Variants in NCKAP5 observed in about 807,000 individuals in gnomAD.
The protein encoded by NCKAP5 is nck-associated protein 5.
NCKAP5 carries 92 observed loss-of-function variants against 167.0 expected under a neutral mutation model. The observed-to-expected ratio is 0.55, with a 90% CI of 0.47 to 0.66. The LOEUF is 0.66. Among genes scored for constraint, NCKAP5 ranks in the 30% least tolerant of loss-of-function variants. The probability of loss-of-function intolerance (pLI) is 0.00; values close to 1 mark genes in which losing one functional copy is unlikely to be tolerated. For synonymous variants in NCKAP5, 891 were observed against 877.4 expected, an observed-to-expected ratio of 1.02 and a Z score of -0.27; for missense variants, 2,378 against 2,315.0, an observed-to-expected ratio of 1.03 and a Z score of -0.56.
chr2:132,926,185 C>A, intron 8 of NCKAP5: 1 of 394,122 alleles, frequency 2.5e-6, no homozygotes, highest in Non-Finnish European at 5.2e-6. Flanking sequence ...AGGATAATGG[C>A]CTCCAGTTCC....
At chr2:132,676,062 TGG>T (rs1684421900) in intron 19 of NCKAP5, among the ~76,000 whole-genome samples, 1 of 152,046 alleles carries the variant, frequency 6.6e-6, no homozygotes, top group African/African-American at 2.4e-5. Context: ...GATCTAAAGG[TGG>T]TAGCAGCTAC....
intron 3 of NCKAP5, among the ~76,000 whole-genome samples, chr2:133,328,200 C>T (rs1574711757): frequency 6.6e-6 from 1 of 152,130 alleles, no homozygotes; most frequent in African/African-American, 2.4e-5. Context: ...GTAATTTTTT[C>T]GTGTTGATTT....
At chr2:133,503,091 G>C (rs1283074766) in intron 3 of NCKAP5, among the ~76,000 whole-genome samples, 2 of 152,180 alleles carry the variant, frequency 1.3e-5, no homozygotes, top group Non-Finnish European at 2.9e-5. Flanking sequence ...AGTGTGTATG[G>C]TTTATCCACA....
chr2:133,605,396 T>TTCTGACA, the NCKAP5 span, among the ~76,000 whole-genome samples: 5 of 152,216 alleles, frequency 3.3e-5, no homozygotes, highest in South Asian at 1.0e-3. Context: ...CCTGAAGTGA[T>TTCTGACA]TCTGACAACC....
At chr2:133,075,441 G>A (rs78110112) in intron 6 of NCKAP5, among the ~76,000 whole-genome samples, 3 of 152,152 alleles carry the variant, frequency 2.0e-5, no homozygotes, top group East Asian at 1.9e-4. Context: ...AGGTAAAATC[G>A]AGATAAATGT....
At chr2:133,062,035 T>G (rs1559100558) in intron 6 of NCKAP5, among the ~76,000 whole-genome samples, 1 of 152,242 alleles carries the variant, frequency 6.6e-6, no homozygotes, top group Non-Finnish European at 1.5e-5. Flanking sequence ...TTTCATTTTC[T>G]GAAATTTCTC....
At chr2:133,670,949 C>T in the NCKAP5 span, among the ~76,000 whole-genome samples, 1 of 152,148 alleles carries the variant, frequency 6.6e-6, no homozygotes, top group Non-Finnish European at 1.5e-5. Context: ...GGCGCAGTGG[C>T]TCACGCCTGT....
chr2:133,327,428 A>T (rs1682529636), intron 3 of NCKAP5, among the ~76,000 whole-genome samples: 1 of 152,212 alleles, frequency 6.6e-6, no homozygotes. Context: ...ATATGTTAAT[A>T]GTCACATCCC....
At chr2:133,533,847 T>A (rs1685549347) in intron 2 of NCKAP5, among the ~76,000 whole-genome samples, 1 of 152,200 alleles carries the variant, frequency 6.6e-6, no homozygotes, top group Admixed American at 6.5e-5. Context: ...AAAGACAATT[T>A]TATTTATTTC....
intron 3 of NCKAP5, among the ~76,000 whole-genome samples, chr2:133,502,296 T>G (rs1682587990): frequency 6.6e-6 from 1 of 152,158 alleles, no homozygotes; most frequent in Non-Finnish European, 1.5e-5. Context: ...TGCTACCTCT[T>G]CTCCATGCAG....
At chr2:133,222,470 T>G (rs562567146) in intron 4 of NCKAP5, among the ~76,000 whole-genome samples, 66 of 152,312 alleles carry the variant, frequency 4.3e-4, no homozygotes, top group African/African-American at 1.5e-3. Flanking sequence ...TGGAGTGGAC[T>G]CTGGCAAACC....
intron 19 of NCKAP5, among the ~76,000 whole-genome samples, chr2:132,713,021 G>A (rs922380901): frequency 2.0e-5 from 3 of 152,176 alleles, no homozygotes; most frequent in African/African-American, 7.2e-5. Flanking sequence ...GACATGGAAT[G>A]ATCTCCAGGA....
chr2:133,106,903 G>T (rs1046581239), intron 6 of NCKAP5, among the ~76,000 whole-genome samples: 3 of 152,198 alleles, frequency 2.0e-5, no homozygotes, highest in African/African-American at 4.8e-5. Flanking sequence ...AGAATCAAAA[G>T]TGAATGGCTG....
At chr2:133,424,383 C>T (rs1320193134) in intron 3 of NCKAP5, among the ~76,000 whole-genome samples, 1 of 152,110 alleles carries the variant, frequency 6.6e-6, no homozygotes. Flanking sequence ...CAGATAATGT[C>T]GGAACACCAT....
chr2:132,998,516 C>A (rs2149323643), intron 6 of NCKAP5, among the ~76,000 whole-genome samples: 1 of 152,256 alleles, frequency 6.6e-6, no homozygotes, highest in East Asian at 1.9e-4. Flanking sequence ...GTTGTCCTAT[C>A]TTTTTATAAC....
chr2:132,932,955 C>T (rs1266728542), intron 8 of NCKAP5, among the ~76,000 whole-genome samples: 3 of 135,372 alleles, frequency 2.2e-5, no homozygotes, highest in Admixed American at 7.8e-5. Flanking sequence ...GACAGAATCT[C>T]GCTTTGTTGC....
rs145316372 is a variant in NCKAP5, at chr2:132,906,464, C to T, written c.580-27548G>A. On this transcript the variant is annotated intron_variant, in intron 8 of 19. Coordinates refer to ENST00000409261, the MANE Select transcript of NCKAP5 (RefSeq NM_207363.3). ...CAGAGGTGATATGGACCTTGCACCC[C>T]AACCAAAATTTTGTTTTGGATATTG... Among the ~76,000 whole-genome samples, 442 of 152,234 alleles carry T rather than the reference C, an allele frequency of 2.9e-3. 1 individual carries two copies. Among genetic ancestry groups the T allele is most frequent in the African/African-American group, 9.8e-3 (408 of 41,540 alleles).
intron 11 of NCKAP5, among the ~76,000 whole-genome samples, chr2:132,801,397 T>C (rs778721877): frequency 7.2e-5 from 11 of 152,146 alleles, no homozygotes; most frequent in Non-Finnish European, 1.2e-4. Context: ...AACATGCATG[T>C]TTCTATGTAT....
chr2:132,981,118 A>G (rs2077126154), intron 7 of NCKAP5, among the ~76,000 whole-genome samples: 1 of 152,226 alleles, frequency 6.6e-6, no homozygotes. Flanking sequence ...AAGCACCTGT[A>G]CATTTTGTAA....
Sources: allele counts gnomAD v4.1 joint callset (sites outside exome capture counted in the v4.1 genomes callset), GRCh38; gene constraint gnomAD v4.1.1; transcripts MANE v1.5; gene names NCBI Gene and HGNC (gene_info 2026-07-23, HGNC 2026-07-21).